Variants in TBC1D1 observed in about 807,000 individuals in gnomAD.
TBC1D1 encodes the protein TBC1 domain family member 1, also known as TBC1 (tre-2/USP6, BUB2, cdc16) domain family, member 1.
Under a neutral mutation model 125.6 loss-of-function variants are expected in TBC1D1, and 89 were observed. The observed-to-expected ratio is 0.71, with a 90% confidence interval of 0.60 to 0.85. The LOEUF (loss-of-function observed/expected upper bound fraction) is 0.85. TBC1D1 is among the 40% of genes least tolerant of loss of function. TBC1D1 has a pLI of 0.00. For missense variants in TBC1D1, 1,377 were observed against 1,469.2 expected (o/e 0.94, Z 1.03); for synonymous variants, 565 against 564.1 (o/e 1.00, Z -0.02).
In TBC1D1 at chr4:38,054,311, G is replaced by C. The variant is rs1751271734; in HGVS notation, c.2023G>C (p.Ala675Pro). The C allele has an allele frequency of 6.2e-7, 1 of 1,614,042 alleles. No individual in the cohort carries two copies. The highest frequency in any genetic ancestry group is 8.5e-7 in the Non-Finnish European group (1 of 1,180,030). Residue 675 changes from alanine (A) to proline (P), a missense_variant, in exon 12 of 20, where the codon GCG (alanine) becomes CCG (proline). Physicochemically the swap from Ala to Pro is conservative, Grantham distance 27 (BLOSUM62 -1). This residue lies in a region of TBC1D1 where 543 missense variants were observed against 613.5 expected (regional missense o/e 0.89). Transcript: ENST00000261439. ...CCTCCGAGTAGCCACCCCGCAGAAGGCGTGCGATTCTTCCAGCAGATATGA... is the reference window on the plus strand; with the variant it reads ...CCTCCGAGTAGCCACCCCGCAGAAGCCGTGCGATTCTTCCAGCAGATATGA...
At chr4:37,969,152 T>C (rs955748597) in intron 2 of TBC1D1, among the ~76,000 whole-genome samples, 1 of 152,226 alleles carries the variant, frequency 6.6e-6, no homozygotes, top group Admixed American at 6.5e-5. Flanking sequence ...CTATTTTGTG[T>C]GTCTATAAAC....
intron 12 of TBC1D1, among the ~76,000 whole-genome samples, chr4:38,081,378 A>G (rs1560752480): frequency 6.6e-6 from 1 of 151,914 alleles, no homozygotes; most frequent in Non-Finnish European, 1.5e-5. Context: ...AGAAAGGCCA[A>G]AACCCCACCC....
intron 18 of TBC1D1, among the ~76,000 whole-genome samples, chr4:38,126,582 A>C (rs773470324): frequency 1.3e-5 from 2 of 152,206 alleles, no homozygotes; most frequent in East Asian, 3.9e-4. Context: ...TTATGAAAGA[A>C]CAGTTCTTGT....
Position 38,138,783 on chromosome 4 carries a change from CG to C in TBC1D1, c.*1454del, listed in dbSNP as rs3839162. On this transcript the variant is annotated 3_prime_UTR_variant, in exon 20 of 20. Transcript: ENST00000261439. ...GAGTTTCTTTTGATTCTCTCAGTTGCGGGGGGCATCTCTTAATCCTGGGGTA... is the reference window on the plus strand; with the variant it reads ...GAGTTTCTTTTGATTCTCTCAGTTGCGGGGGCATCTCTTAATCCTGGGGTA... The C allele has an allele frequency of 0.46, 69,970 of 152,156 alleles. 16,696 individuals carry two copies. The highest frequency in any genetic ancestry group is 0.64 in the East Asian group (3,277 of 5,160). The allele number at this position is 152,156 out of a possible 1,614,324, so 9.4% of individuals were successfully genotyped here.
At chr4:38,082,075 C>T (rs1324958799) in intron 12 of TBC1D1, among the ~76,000 whole-genome samples, 2 of 152,140 alleles carry the variant, frequency 1.3e-5, no homozygotes, top group African/African-American at 2.4e-5. Flanking sequence ...AATGTGACGT[C>T]GGACCTCTTT....
intron 2 of TBC1D1, among the ~76,000 whole-genome samples, chr4:37,967,385 C>T (rs1020547822): frequency 4.0e-5 from 6 of 151,632 alleles, no homozygotes; most frequent in African/African-American, 7.3e-5. Flanking sequence ...ATCCCAGTTA[C>T]TTGGGAGGCT....
chr4:37,999,631 A>G (rs748988155), intron 2 of TBC1D1, among the ~76,000 whole-genome samples: 15 of 152,098 alleles, frequency 9.9e-5, no homozygotes, highest in Non-Finnish European at 1.6e-4. Context: ...GGGAGGAGAC[A>G]TTTGGGTTGG....
chr4:37,938,031 T>C (rs1246508172), intron 2 of TBC1D1, among the ~76,000 whole-genome samples: 1 of 152,194 alleles, frequency 6.6e-6, no homozygotes, highest in Non-Finnish European at 1.5e-5. Flanking sequence ...TTTAAATTGC[T>C]GAGGGGACAG....
chr4:37,919,881 G>C (rs886275456), intron 2 of TBC1D1, among the ~76,000 whole-genome samples: 3 of 152,080 alleles, frequency 2.0e-5, no homozygotes, highest in African/African-American at 7.3e-5. Flanking sequence ...GGGAGGCCGA[G>C]GGGGGCGGAT....
chr4:38,071,240 T>C (rs2152511065), intron 12 of TBC1D1, among the ~76,000 whole-genome samples: 1 of 152,288 alleles, frequency 6.6e-6, no homozygotes, highest in Middle Eastern at 3.4e-3. Flanking sequence ...ACTTCCTGCC[T>C]GCTCCCCACC....
chr4:37,960,950 A>G, intron 2 of TBC1D1: 2 of 1,614,110 alleles, frequency 1.2e-6, no homozygotes, highest in Non-Finnish European at 1.7e-6. Flanking sequence ...TGCCCTCTCC[A>G]CCATGGGAAT....
At chr4:38,075,303 A>G (rs1425433659) in intron 12 of TBC1D1, among the ~76,000 whole-genome samples, 2 of 152,146 alleles carry the variant, frequency 1.3e-5, no homozygotes, top group African/African-American at 2.4e-5. Flanking sequence ...TTCATTTTCT[A>G]CTACATGAGA....
rs537000369 is a variant in TBC1D1 at position 38,102,350 on chromosome 4, T to C, written c.2399-649T>C. Among the ~76,000 whole-genome samples, 5 of 152,322 alleles carry C rather than the reference T, an allele frequency of 3.3e-5. No homozygotes were observed. The South Asian group carries it at 1.0e-3, about 32-fold the overall frequency. On this transcript the variant is annotated intron_variant, in intron 14 of 19. Transcript: ENST00000261439. ...TCACATCTTACATGACAATTTTTCA[T>C]ACTTGGCTTTATTTCCCTAGAATGT...
intron 14 of TBC1D1, among the ~76,000 whole-genome samples, chr4:38,100,404 TG>T (rs1456323759): frequency 6.6e-6 from 1 of 152,220 alleles, no homozygotes; most frequent in Non-Finnish European, 1.5e-5. Flanking sequence ...TCTGCCTCCT[TG>T]GTCACATTGA....
intron 8 of TBC1D1, among the ~76,000 whole-genome samples, chr4:38,038,090 AT>A (rs1747571675): frequency 6.6e-6 from 1 of 152,186 alleles, no homozygotes; most frequent in African/African-American, 2.4e-5. Context: ...AGGTGGTAAA[AT>A]ACCCATTTTA....
intron 2 of TBC1D1, among the ~76,000 whole-genome samples, chr4:37,950,861 C>T (rs772614829): frequency 6.6e-6 from 1 of 151,334 alleles, no homozygotes; most frequent in Non-Finnish European, 1.5e-5. Flanking sequence ...CAGGTTCAAG[C>T]GATTCTCCTG....
chr4:37,991,486 A>G (rs1161336911), intron 2 of TBC1D1, among the ~76,000 whole-genome samples: 1 of 152,162 alleles, frequency 6.6e-6, no homozygotes, highest in Non-Finnish European at 1.5e-5. Context: ...CAAGCCCTGC[A>G]TGAAGACCCC....
chr4:38,027,580 G>C (rs1425784515), intron 6 of TBC1D1, among the ~76,000 whole-genome samples: 1 of 152,060 alleles, frequency 6.6e-6, no homozygotes, highest in East Asian at 1.9e-4. Flanking sequence ...CATAATCAGT[G>C]AGCCGTGATT....
intron 10 of TBC1D1, among the ~76,000 whole-genome samples, chr4:38,048,157 C>T (rs1296449827): frequency 6.6e-6 from 1 of 152,162 alleles, no homozygotes; most frequent in Non-Finnish European, 1.5e-5. Context: ...TGAGAAACTA[C>T]TATATTCTAT....
Sources: allele counts gnomAD v4.1 joint callset (sites outside exome capture counted in the v4.1 genomes callset), GRCh38; gene constraint gnomAD v4.1.1; regional missense constraint gnomAD v4.1.1; transcripts MANE v1.5; gene names NCBI Gene and HGNC (gene_info 2026-07-23, HGNC 2026-07-21).